Variants in SAMMSON observed in about 807,000 individuals in gnomAD.
SAMMSON encodes survival associated mitochondrial melanoma specific oncogenic non-coding RNA.
intron 4 of SAMMSON, among the ~76,000 whole-genome samples, chr3:70,085,303 TA>T (rs1463841447): frequency 6.6e-6 from 1 of 152,214 alleles, no homozygotes; most frequent in African/African-American, 2.4e-5. Context: ...ACTCACTGAA[TA>T]AACATGCGAG....
chr3:70,089,551 G>A (rs1490596323), intron 4 of SAMMSON, among the ~76,000 whole-genome samples: 1 of 150,334 alleles, frequency 6.7e-6, no homozygotes, highest in African/African-American at 2.5e-5. Flanking sequence ...GGGTGGGGGT[G>A]GGGCTGAGGG....
intron 1 of SAMMSON, among the ~76,000 whole-genome samples, chr3:70,000,152 A>G (rs898548354): frequency 2.6e-5 from 4 of 152,142 alleles, no homozygotes; most frequent in African/African-American, 9.7e-5. Context: ...CCAGTAACAC[A>G]CGCCTGCTGG....
chr3:70,266,671 C>T (rs1469510685), intron 6 of SAMMSON, among the ~76,000 whole-genome samples: 6 of 152,090 alleles, frequency 3.9e-5, no homozygotes, highest in Non-Finnish European at 7.4e-5. Context: ...GTCTCAAACT[C>T]CTAGGCCCAA....
intron 6 of SAMMSON, among the ~76,000 whole-genome samples, chr3:70,266,639 T>A (rs1246992142): frequency 6.6e-6 from 1 of 152,032 alleles, no homozygotes; most frequent in Non-Finnish European, 1.5e-5. Flanking sequence ...GAAGACAGGA[T>A]CTCCCTATGT....
At chr3:70,135,195 A>G (rs1461253187) in intron 4 of SAMMSON, among the ~76,000 whole-genome samples, 2 of 152,134 alleles carry the variant, frequency 1.3e-5, no homozygotes, top group Non-Finnish European at 2.9e-5. Flanking sequence ...TTGTTTTATC[A>G]TGTCAATATT....
intron 4 of SAMMSON, among the ~76,000 whole-genome samples, chr3:70,219,639 A>G (rs1201446119): frequency 6.6e-6 from 1 of 152,238 alleles, no homozygotes; most frequent in Non-Finnish European, 1.5e-5. Context: ...GTGTGAACCA[A>G]GAGAGATACT....
Position 70,302,932 on chromosome 3 carries a change from A to G in SAMMSON, n.739+11689A>G, listed in dbSNP as rs531866947. Among the ~76,000 whole-genome samples the G allele has an allele frequency of 2.0e-5, 3 of 152,280 alleles. No individual in the cohort carries two copies. The South Asian group carries it at 6.2e-4, about 32-fold the overall frequency. The stretch of plus-strand genomic sequence containing the variant: ...AGAAATTTTAACCATCAGCAGTAGG[A>G]TGTGACACTGGAATTTAATTTGTTG... On this transcript the variant is annotated intron_variant and non_coding_transcript_variant, in intron 7 of 9. Transcript: ENST00000642114.
intron 6 of SAMMSON, among the ~76,000 whole-genome samples, chr3:70,269,347 G>T (rs1291850983): frequency 6.6e-6 from 1 of 152,100 alleles, no homozygotes; most frequent in Non-Finnish European, 1.5e-5. Flanking sequence ...TGAATATACT[G>T]AACTGTAACC....
At chr3:70,092,514 A>G (rs1369027394) in intron 4 of SAMMSON, among the ~76,000 whole-genome samples, 2 of 150,934 alleles carry the variant, frequency 1.3e-5, no homozygotes, top group African/African-American at 2.4e-5. Flanking sequence ...TGACATGATC[A>G]TCTCTCCTAC....
intron 3 of SAMMSON, among the ~76,000 whole-genome samples, chr3:70,024,219 T>C (rs962849317): frequency 1.3e-5 from 2 of 152,166 alleles, no homozygotes; most frequent in African/African-American, 4.8e-5. Flanking sequence ...TCTAGACATA[T>C]AGTGGAAATG....
intron 2 of SAMMSON, among the ~76,000 whole-genome samples, chr3:70,409,183 A>G (rs1255658923): frequency 1.3e-5 from 2 of 152,174 alleles, no homozygotes; most frequent in Admixed American, 6.5e-5. Context: ...CCATCATACA[A>G]TTGAGAAATT....
chr3:70,328,666 C>T (rs1288468561), intron 7 of SAMMSON, among the ~76,000 whole-genome samples: 1 of 152,116 alleles, frequency 6.6e-6, no homozygotes, highest in Non-Finnish European at 1.5e-5. Context: ...AATTGGGCAT[C>T]AGTGAGTGGT....
At chr3:70,064,474 A>G (rs544767735) in intron 3 of SAMMSON, among the ~76,000 whole-genome samples, 68 of 152,256 alleles carry the variant, frequency 4.5e-4, no homozygotes, top group African/African-American at 1.5e-3. Context: ...AAATGGGAGA[A>G]AGTGATGCCA....
At position 70,134,516 on chromosome 3, in the gene SAMMSON, C is replaced by G. The variant is rs1430741125; in HGVS notation, n.507+62951C>G. On this transcript the variant is annotated intron_variant and non_coding_transcript_variant, in intron 4 of 9. Coordinates refer to ENST00000642114, the Ensembl canonical transcript of SAMMSON. The stretch of plus-strand genomic sequence containing the variant: ...TAAAATATTTCCCAATGGATATATA[C>G]TGAAAGTAGCAAACAAATAAAGTGT... Among the ~76,000 whole-genome samples the G allele has an allele frequency of 2.0e-5, 3 of 151,996 alleles. No individual in the cohort carries two copies. The South Asian group carries it at 6.2e-4, about 32-fold the overall frequency.
chr3:70,346,356 A>T (rs1702750766), intron 7 of SAMMSON, among the ~76,000 whole-genome samples: 1 of 148,970 alleles, frequency 6.7e-6, no homozygotes, highest in African/African-American at 2.5e-5. Context: ...AAAACTCATC[A>T]CCCAACCCAG....
At chr3:70,128,323 A>G (rs1452013238) in intron 4 of SAMMSON, among the ~76,000 whole-genome samples, 2 of 152,174 alleles carry the variant, frequency 1.3e-5, no homozygotes, top group Admixed American at 6.5e-5. Flanking sequence ...TGATAAGTTC[A>G]CCTTGACGGT....
chr3:70,192,206 C>T (rs890509211), intron 4 of SAMMSON, among the ~76,000 whole-genome samples: 13 of 152,138 alleles, frequency 8.5e-5, no homozygotes, highest in African/African-American at 1.9e-4. Flanking sequence ...AGGAAAATTC[C>T]GGAGAGAAGA....
chr3:70,037,697 C>A (rs531199482), intron 3 of SAMMSON, among the ~76,000 whole-genome samples: 11 of 152,294 alleles, frequency 7.2e-5, no homozygotes, highest in Non-Finnish European at 1.3e-4. Context: ...TTTCACTCAT[C>A]ATTCTTGCAC....
intron 6 of SAMMSON, among the ~76,000 whole-genome samples, chr3:70,262,306 C>T (rs1701874482): frequency 6.6e-6 from 1 of 152,066 alleles, no homozygotes; most frequent in Non-Finnish European, 1.5e-5. Context: ...TTCCAAGGAG[C>T]CAACGCAAAA....
Sources: gnomAD v4.1 joint callset for allele counts (sites outside exome capture counted in the v4.1 genomes callset) on GRCh38, gnomAD v4.1.1 for gene constraint, MANE v1.5 for transcripts, NCBI Gene and HGNC (gene_info 2026-07-23, HGNC 2026-07-21) for gene names.